The following ANO2 variants were observed in gnomAD, a reference collection of about 807,000 sequenced individuals.
The protein encoded by ANO2 is anoctamin-2.
ANO2 carries 101 observed loss-of-function variants against 124.2 expected under a neutral mutation model. The observed-to-expected ratio is 0.81, with a 90% CI of 0.69 to 0.96. The LOEUF (loss-of-function observed/expected upper bound fraction) is 0.96. Ranked by LOEUF, ANO2 falls within the 40% of genes least tolerant of loss-of-function variation. The pLI is 0.00. For synonymous variants in ANO2, 486 were observed against 482.5 expected (o/e 1.01, Z -0.09); for missense variants, 1,293 against 1,274.5 (o/e 1.01, Z -0.22).
At chr12:5,813,046 A>AGG (rs1953483827) in intron 7 of ANO2, among the ~76,000 whole-genome samples, 1 of 107,540 alleles carries the variant, frequency 9.3e-6, no homozygotes, top group Non-Finnish European at 2.1e-5. Flanking sequence ...AGAAACAAAG[A>AGG]AAGAAAGAGG....
At chr12:5,579,640 G>A (rs1942624501) in intron 20 of ANO2, among the ~76,000 whole-genome samples, 1 of 152,032 alleles carries the variant, frequency 6.6e-6, no homozygotes, top group African/African-American at 2.4e-5. Flanking sequence ...TTATCTACCT[G>A]CTTATAAAAA....
chr12:5,623,079 G>A (rs147464647), intron 16 of ANO2, among the ~76,000 whole-genome samples: 4 of 152,240 alleles, frequency 2.6e-5, no homozygotes, highest in South Asian at 4.1e-4. Context: ...TTCAGGAAGG[G>A]CTGTCTGCAT....
intron 14 of ANO2, among the ~76,000 whole-genome samples, chr12:5,706,533 T>G (rs901969315): frequency 5.3e-5 from 8 of 152,208 alleles, no homozygotes; most frequent in Non-Finnish European, 1.0e-4. Flanking sequence ...AGATCTTCCC[T>G]GTCCACCTTA....
At chr12:5,651,126 A>T (rs1487701096) in intron 14 of ANO2, among the ~76,000 whole-genome samples, 2 of 152,240 alleles carry the variant, frequency 1.3e-5, no homozygotes, top group African/African-American at 2.4e-5. Context: ...GTGACTATAA[A>T]GCACTTAGCT....
At chr12:5,677,605 G>T (rs1243369570) in intron 14 of ANO2, among the ~76,000 whole-genome samples, 1 of 152,124 alleles carries the variant, frequency 6.6e-6, no homozygotes, top group Non-Finnish European at 1.5e-5. Context: ...GTGGAGAGGA[G>T]CATGAGAATC....
chr12:5,770,702 T>A (rs1376692755), intron 10 of ANO2, among the ~76,000 whole-genome samples: 1 of 152,184 alleles, frequency 6.6e-6, no homozygotes, highest in Non-Finnish European at 1.5e-5. Flanking sequence ...TCTGTCAGAT[T>A]CTTTCTTCCT....
chr12:5,849,464 C>A (rs533657998), intron 4 of ANO2, among the ~76,000 whole-genome samples: 1 of 152,238 alleles, frequency 6.6e-6, no homozygotes, highest in African/African-American at 2.4e-5. Flanking sequence ...TAAGAAAGCA[C>A]CTGCTTCCAT....
intron 14 of ANO2, among the ~76,000 whole-genome samples, chr12:5,723,091 C>T (rs1352718439): frequency 1.3e-5 from 2 of 152,322 alleles, no homozygotes; most frequent in Non-Finnish European, 2.9e-5. Flanking sequence ...AAATTCCTTA[C>T]GGCATTTTTT....
intron 7 of ANO2, among the ~76,000 whole-genome samples, chr12:5,823,967 C>T (rs941811820): frequency 6.6e-6 from 1 of 152,230 alleles, no homozygotes; most frequent in Admixed American, 6.5e-5. Flanking sequence ...AAGCCACAGC[C>T]TGAGCTGTAT....
At chr12:5,570,103 T>C (rs1261842559) in intron 23 of ANO2, among the ~76,000 whole-genome samples, 2 of 152,256 alleles carry the variant, frequency 1.3e-5, no homozygotes, top group Non-Finnish European at 2.9e-5. Flanking sequence ...ATGTTTTAGC[T>C]TTAAAATTAT....
chr12:5,729,219 T>C (rs914642773), intron 14 of ANO2, among the ~76,000 whole-genome samples: 22 of 152,176 alleles, frequency 1.4e-4, no homozygotes, highest in Non-Finnish European at 3.1e-4. Flanking sequence ...TTGATAAGAC[T>C]GGTAATCCAA....
chr12:5,837,379 G>A (rs1179477129), intron 4 of ANO2, among the ~76,000 whole-genome samples: 3 of 131,324 alleles, frequency 2.3e-5, no homozygotes, highest in Admixed American at 8.8e-5. Context: ...TGCACATTGT[G>A]CGTTAGTTAC....
intron 19 of ANO2, among the ~76,000 whole-genome samples, chr12:5,607,075 A>C (rs1329382205): frequency 6.6e-6 from 1 of 152,154 alleles, no homozygotes; most frequent in African/African-American, 2.4e-5. Flanking sequence ...AAAAAAAAAA[A>C]AACAAATCTG....
intron 4 of ANO2, among the ~76,000 whole-genome samples, chr12:5,835,113 C>G (rs568299573): frequency 6.6e-6 from 1 of 152,256 alleles, no homozygotes; most frequent in East Asian, 1.9e-4. Flanking sequence ...TTAACATTCA[C>G]TTATAAATAG....
chr12:5,829,452 G>A lies in ANO2; in HGVS notation c.840+983C>T, dbSNP rs144190931. On this transcript the variant is annotated intron_variant, in intron 6 of 24. Coordinates refer to ENST00000682330, the MANE Select transcript of ANO2 (RefSeq NM_001364791.2). ...GCCCATCCTGCAAGTAAGAGTTAAC[G>A]CCATGTTTGCAGTGTGCCTGGGAAA... 1.2e-4 allele frequency among the ~76,000 whole-genome samples: 18 copies of A among 152,282 alleles called. No homozygotes were observed. In the East Asian group the frequency reaches 3.3e-3, roughly 28 times the overall value.
At chr12:5,736,018 C>T (rs1393299743) in intron 13 of ANO2, among the ~76,000 whole-genome samples, 2 of 152,190 alleles carry the variant, frequency 1.3e-5, no homozygotes, top group Non-Finnish European at 1.5e-5. Context: ...GCAAGAGTGG[C>T]CCACTGAGCT....
At chr12:5,598,937 C>A (rs924779471) in intron 20 of ANO2, among the ~76,000 whole-genome samples, 1 of 148,822 alleles carries the variant, frequency 6.7e-6, no homozygotes, top group East Asian at 2.0e-4. Context: ...ACTAGAAATA[C>A]ACCTCTCACT....
At chr12:5,859,160 C>T (rs974370009) in intron 3 of ANO2, among the ~76,000 whole-genome samples, 5 of 152,196 alleles carry the variant, frequency 3.3e-5, no homozygotes, top group Non-Finnish European at 5.9e-5. Context: ...CAAATCTCAA[C>T]AGGCAACTAA....
intron 13 of ANO2, among the ~76,000 whole-genome samples, chr12:5,737,013 T>C (rs1950895790): frequency 6.6e-6 from 1 of 152,254 alleles, no homozygotes; most frequent in African/African-American, 2.4e-5. Flanking sequence ...CCCTGCTGGA[T>C]GCAGCCCTTT....
Sources: allele counts gnomAD v4.1 joint callset (sites outside exome capture counted in the v4.1 genomes callset), GRCh38; gene constraint gnomAD v4.1.1; transcripts MANE v1.5; gene names NCBI Gene and HGNC (gene_info 2026-07-23, HGNC 2026-07-21).